Variants in RAB27A observed in about 807,000 individuals in gnomAD.
RAB27A encodes ras-related protein Rab-27A.
A neutral mutation model predicts 20.8 loss-of-function variants in RAB27A; 17 were observed. The observed-to-expected ratio is 0.82, with a 90% CI of 0.56 to 1.23. The LOEUF is 1.23. Ranked by LOEUF, RAB27A falls within the 50% of genes most tolerant of loss-of-function variation. RAB27A has a pLI of 0.00. For missense variants in RAB27A, 277 were observed against 266.7 expected, an observed-to-expected ratio of 1.04 and a Z score of -0.27; for synonymous variants, 85 against 92.8, an observed-to-expected ratio of 0.92 and a Z score of 0.48.
At chr15:55,298,875 G>A (rs1363957658) in intron 2 of RAB27A, among the ~76,000 whole-genome samples, 3 of 152,220 alleles carry the variant, frequency 2.0e-5, no homozygotes, top group Non-Finnish European at 4.4e-5. Context: ...GAGAAATATG[G>A]CTCTGTTCTG....
At chr15:55,248,290 G>T (rs1347057907) in intron 2 of RAB27A, among the ~76,000 whole-genome samples, 1 of 151,968 alleles carries the variant, frequency 6.6e-6, no homozygotes, top group Non-Finnish European at 1.5e-5. Context: ...CATCATCTGG[G>T]TGCCATAACC....
intron 6 of RAB27A, among the ~76,000 whole-genome samples, chr15:55,218,145 G>C (rs1895401392): frequency 6.6e-6 from 1 of 152,170 alleles, no homozygotes; most frequent in African/African-American, 2.4e-5. Context: ...TAGATATTTG[G>C]CTCACATGTA....
chr15:55,259,069 G>T (rs1200695388), intron 2 of RAB27A, among the ~76,000 whole-genome samples: 1 of 152,140 alleles, frequency 6.6e-6, no homozygotes, highest in Non-Finnish European at 1.5e-5. Context: ...GCCCACCTTG[G>T]CCGTCCAAAG....
intron 2 of RAB27A, among the ~76,000 whole-genome samples, chr15:55,306,493 C>T (rs2054997421): frequency 6.6e-6 from 1 of 152,090 alleles, no homozygotes; most frequent in Non-Finnish European, 1.5e-5. Context: ...AGATTACTTC[C>T]TTTACGTGTT....
intron 6 of RAB27A, among the ~76,000 whole-genome samples, chr15:55,219,482 T>C (rs937689584): frequency 6.6e-6 from 1 of 152,218 alleles, no homozygotes; most frequent in Admixed American, 6.5e-5. Flanking sequence ...AGTGTTGTCT[T>C]GAACCAGCAG....
intron 3 of RAB27A, among the ~76,000 whole-genome samples, chr15:55,231,336 A>G (rs1896024838): frequency 6.6e-6 from 1 of 152,170 alleles, no homozygotes; most frequent in Non-Finnish European, 1.5e-5. Flanking sequence ...CCCAAATTTT[A>G]AAAGTGCTCT....
intron 2 of RAB27A, among the ~76,000 whole-genome samples, chr15:55,299,818 T>C (rs934430919): frequency 6.6e-6 from 1 of 151,182 alleles, no homozygotes; most frequent in Non-Finnish European, 1.5e-5. Flanking sequence ...CCTAATTTCT[T>C]TTTTTTTCTT....
At chr15:55,294,670 C>T (rs1489550183), upstream of RAB27A, among the ~76,000 whole-genome samples, 2 of 136,666 alleles carry the variant, frequency 1.5e-5, no homozygotes, top group East Asian at 4.5e-4. Context: ...TTACATGATA[C>T]ACAAAAATTA....
chr15:55,221,133 G>A (rs188325896), intron 6 of RAB27A, among the ~76,000 whole-genome samples: 11 of 152,290 alleles, frequency 7.2e-5, no homozygotes, highest in African/African-American at 1.9e-4. Context: ...CAGACAGGCT[G>A]TGGAATCCTA....
intron 2 of RAB27A, among the ~76,000 whole-genome samples, chr15:55,244,924 TTTTTTGTTTTATTTTG>T (rs1896631159): frequency 6.6e-6 from 1 of 152,192 alleles, no homozygotes; most frequent in South Asian, 2.1e-4. Flanking sequence ...TTTTCTTGCT[TTTTTTGTTTTATTTTG>T]TTTTTGTTTT....
At chr15:55,235,861 G>A (rs1045047657) in intron 2 of RAB27A, among the ~76,000 whole-genome samples, 1 of 152,104 alleles carries the variant, frequency 6.6e-6, no homozygotes, top group Non-Finnish European at 1.5e-5. Context: ...GGCATTCACA[G>A]CAATCTGGAT....
chr15:55,236,158 T>G (rs1352974260), intron 2 of RAB27A, among the ~76,000 whole-genome samples: 1 of 137,644 alleles, frequency 7.3e-6, no homozygotes. Context: ...CAAAAACCTA[T>G]GGAAATAAAA....
chr15:55,235,130 T>G (rs563343886), intron 2 of RAB27A, among the ~76,000 whole-genome samples, 174 bp from the exon 3 acceptor site: 27 of 152,298 alleles, frequency 1.8e-4, no homozygotes, highest in African/African-American at 6.5e-4. Context: ...ACCTAATAAC[T>G]AGCTAGATGA....
chr15:55,206,636 C>T (rs1399546168), intron 6 of RAB27A, among the ~76,000 whole-genome samples: 3 of 152,082 alleles, frequency 2.0e-5, no homozygotes, highest in African/African-American at 2.4e-5. Context: ...GCTGCTGCAC[C>T]CAGCCTAGTT....
rs144225097 is a variant in RAB27A at position 55,235,707 on chromosome 15, G to A, written c.-22-751C>T. Among the ~76,000 whole-genome samples the A allele has an allele frequency of 9.7e-4, 147 of 151,690 alleles. 1 individual carries two copies. The highest frequency in any genetic ancestry group is 3.4e-3 in the Middle Eastern group (1 of 290). On this transcript the variant is annotated intron_variant, in intron 2 of 6. Coordinates refer to ENST00000336787, the MANE Select transcript of RAB27A (RefSeq NM_183235.3). Reference sequence around the variant, plus strand: ...TCAAAGTCTCCTAGTGCTAAAATTTGCAATTGCAAACATAAGGAACCAGTC... The same window carrying A: ...TCAAAGTCTCCTAGTGCTAAAATTTACAATTGCAAACATAAGGAACCAGTC...
At chr15:55,267,193 G>A (rs552575947) in intron 2 of RAB27A, among the ~76,000 whole-genome samples, 1 of 152,178 alleles carries the variant, frequency 6.6e-6, no homozygotes, top group African/African-American at 2.4e-5. Flanking sequence ...TTATCATTGA[G>A]CTATTTGCTG....
At chr15:55,273,236 A>G (rs1420001555) in intron 1 of RAB27A, among the ~76,000 whole-genome samples, 4 of 151,604 alleles carry the variant, frequency 2.6e-5, no homozygotes, top group African/African-American at 9.7e-5. Context: ...GTGAAACTCC[A>G]TCTCTACTAA....
exon 1 of RAB27A, chr15:55,319,095 A>C: frequency 1.2e-6 from 1 of 866,840 alleles, no homozygotes; most frequent in Non-Finnish European, 1.7e-6. Context: ...GGAAACCGCA[A>C]GGAGGCCACC....
chr15:55,262,963 G>A (rs1017746569), intron 2 of RAB27A, among the ~76,000 whole-genome samples: 4 of 152,174 alleles, frequency 2.6e-5, no homozygotes, highest in African/African-American at 9.7e-5. Context: ...ATCCTAGTTT[G>A]CTAAGTACGA....
Sources: gnomAD v4.1 joint callset for allele counts (sites outside exome capture counted in the v4.1 genomes callset) on GRCh38, gnomAD v4.1.1 for gene constraint, MANE v1.5 for transcripts, NCBI Gene and HGNC (gene_info 2026-07-23, HGNC 2026-07-21) for gene names.